Variants in MITF observed in about 807,000 individuals in gnomAD.
The protein encoded by MITF is microphthalmia-associated transcription factor.
A neutral mutation model predicts 60.5 loss-of-function variants in MITF; 17 were observed. The observed-to-expected ratio is 0.28, with a 90% CI of 0.19 to 0.42. MITF has a LOEUF of 0.42. Among genes scored for constraint, MITF ranks in the 10% least tolerant of loss-of-function variants. The pLI is 1.00. For missense variants in MITF, 622 were observed against 683.5 expected, an observed-to-expected ratio of 0.91 and a Z score of 1.00; for synonymous variants, 260 against 248.5, an observed-to-expected ratio of 1.05 and a Z score of -0.43.
intron 1 of MITF, among the ~76,000 whole-genome samples, chr3:69,744,393 GAA>G (rs1703644121): frequency 1.3e-5 from 2 of 151,820 alleles, no homozygotes; most frequent in African/African-American, 4.8e-5. Context: ...GCATAGAGAT[GAA>G]GAGCCTTGTT....
intron 1 of MITF, among the ~76,000 whole-genome samples, chr3:69,840,968 C>T (rs1217210319): frequency 1.3e-5 from 2 of 152,080 alleles, no homozygotes; most frequent in Non-Finnish European, 2.9e-5. Flanking sequence ...GTTGGCCAAG[C>T]TGGTCTTGAA....
chr3:69,792,360 C>G (rs1242567950), intron 1 of MITF, among the ~76,000 whole-genome samples: 1 of 152,150 alleles, frequency 6.6e-6, no homozygotes, highest in Non-Finnish European at 1.5e-5. Context: ...TTCCTATGTG[C>G]TGTTACAGTG....
At chr3:69,879,911 T>C (rs2064445704) in intron 2 of MITF, among the ~76,000 whole-genome samples, 1 of 152,160 alleles carries the variant, frequency 6.6e-6, no homozygotes. Context: ...TTGGGTCTCT[T>C]TGATTTCTTG....
At chr3:69,755,230 A>G (rs1704092234) in intron 1 of MITF, among the ~76,000 whole-genome samples, 1 of 152,206 alleles carries the variant, frequency 6.6e-6, no homozygotes, top group African/African-American at 2.4e-5. Context: ...GTTACACAAT[A>G]CCAAGGCTGT....
intron 2 of MITF, among the ~76,000 whole-genome samples, chr3:69,926,339 A>G (rs1268830624): frequency 6.6e-6 from 1 of 152,186 alleles, no homozygotes; most frequent in Admixed American, 6.5e-5. Flanking sequence ...TTTTTAGCTC[A>G]TGTGGGCTTG....
chr3:69,928,049 A>G (rs970549292), intron 2 of MITF, among the ~76,000 whole-genome samples: 1 of 152,238 alleles, frequency 6.6e-6, no homozygotes, highest in South Asian at 2.1e-4. Flanking sequence ...GAAAGCAGCC[A>G]TAGACTATAC....
chr3:69,800,736 A>C (rs2106949756), intron 1 of MITF, among the ~76,000 whole-genome samples: 1 of 151,950 alleles, frequency 6.6e-6, no homozygotes, highest in African/African-American at 2.4e-5. Context: ...CCCCCTTTTC[A>C]TTTAAAAAAA....
chr3:69,954,687 G>A (rs2066352414), intron 7 of MITF, among the ~76,000 whole-genome samples: 1 of 152,120 alleles, frequency 6.6e-6, no homozygotes, highest in Non-Finnish European at 1.5e-5. Flanking sequence ...TTTTGGGGAA[G>A]GTTAGCTAGT....
chr3:69,916,784 T>C (rs1458815817), intron 2 of MITF, among the ~76,000 whole-genome samples: 1 of 152,222 alleles, frequency 6.6e-6, no homozygotes, highest in Non-Finnish European at 1.5e-5. Flanking sequence ...CGATTACATA[T>C]ATCAGAATAT....
At chr3:69,759,877 G>A (rs566032437) in intron 1 of MITF, among the ~76,000 whole-genome samples, 16 of 151,962 alleles carry the variant, frequency 1.1e-4, no homozygotes, top group African/African-American at 2.4e-4. Context: ...TCCTGGGTTC[G>A]TGCCATTCTC....
At chr3:69,884,540 T>C (rs2064564963) in intron 2 of MITF, among the ~76,000 whole-genome samples, 1 of 152,178 alleles carries the variant, frequency 6.6e-6, no homozygotes, top group African/African-American at 2.4e-5. Context: ...AATGTGTAAG[T>C]ATGTACCAGC....
chr3:69,906,544 G>A (rs1197317663), intron 2 of MITF, among the ~76,000 whole-genome samples: 1 of 152,156 alleles, frequency 6.6e-6, no homozygotes, highest in Non-Finnish European at 1.5e-5. Context: ...TTTCTCTGAA[G>A]GTGATTTATC....
chr3:69,795,973 T>C (rs1205326718), intron 1 of MITF, among the ~76,000 whole-genome samples: 1 of 152,140 alleles, frequency 6.6e-6, no homozygotes, highest in African/African-American at 2.4e-5. Flanking sequence ...TTTTAATCTT[T>C]TGTTGCTATT....
rs1335773753 is a variant in MITF at position 69,763,911 on chromosome 3, A to G, written c.104+24210A>G. Reference sequence around the variant, plus strand: ...TTTCTCTCTCTGTGAAAAGGAAACCAGGAAATTGACTCTGTGCCTGTTTTC... The same window carrying G: ...TTTCTCTCTCTGTGAAAAGGAAACCGGGAAATTGACTCTGTGCCTGTTTTC... On this transcript the variant is annotated intron_variant, in intron 1 of 9. Transcript: ENST00000352241. The G allele has an allele frequency of 3.6e-6, 5 of 1,374,754 alleles. No individual in the cohort carries two copies. Among genetic ancestry groups the G allele is most frequent in the Admixed American group, 2.0e-5 (1 of 48,988 alleles). The allele number at this position is 1,374,754 out of a possible 1,614,324, so 85.2% of individuals were successfully genotyped here. A position where few individuals can be genotyped will look rare whatever the true frequency, so the allele number is the denominator to read the frequency against.
rs114110144 is a variant in MITF at position 69,812,376 on chromosome 3, C to T, written c.105-66758C>T. 6.7e-3 allele frequency among the ~76,000 whole-genome samples: 1,017 copies of T among 152,124 alleles called. 9 individuals are homozygous for T. The highest frequency in any genetic ancestry group is 0.023 in the African/African-American group (960 of 41,492). ...ACCAGTAAGGAGATCATCTCGTATC[C>T]CCTCAGACATTTAGACAATGTGAGA... On this transcript the variant is annotated intron_variant, in intron 1 of 9. Coordinates refer to ENST00000352241, the MANE Select transcript of MITF (RefSeq NM_001354604.2).
intron 1 of MITF, among the ~76,000 whole-genome samples, chr3:69,804,023 A>G (rs1386487889): frequency 6.6e-6 from 1 of 152,130 alleles, no homozygotes; most frequent in Non-Finnish European, 1.5e-5. Context: ...GGGCTTATGG[A>G]AGAACTTGCG....
intron 5 of MITF, among the ~76,000 whole-genome samples, chr3:69,943,266 G>C (rs2066013421): frequency 6.6e-6 from 1 of 151,906 alleles, no homozygotes; most frequent in Non-Finnish European, 1.5e-5. Context: ...CTTCTTGGAA[G>C]CCTCCAAAAA....
intron 2 of MITF, among the ~76,000 whole-genome samples, chr3:69,886,703 A>G (rs1382891227): frequency 2.6e-5 from 4 of 152,198 alleles, no homozygotes; most frequent in South Asian, 2.1e-4. Flanking sequence ...AGTCTCCACA[A>G]TATGCCAGAT....
intron 1 of MITF, among the ~76,000 whole-genome samples, chr3:69,869,776 T>C (rs922106989): frequency 6.6e-6 from 1 of 152,240 alleles, no homozygotes; most frequent in Admixed American, 6.5e-5. Context: ...TGCTTTGTCA[T>C]AAACAAAAGG....
Sources: gnomAD v4.1 joint callset for allele counts (sites outside exome capture counted in the v4.1 genomes callset) on GRCh38, gnomAD v4.1.1 for gene constraint, MANE v1.5 for transcripts, NCBI Gene and HGNC (gene_info 2026-07-23, HGNC 2026-07-21) for gene names.